HS3ST5: variants seen among roughly 807,000 people sequenced by gnomAD.
HS3ST5 encodes heparan sulfate-glucosamine 3-sulfotransferase 5.
HS3ST5 carries 10 observed loss-of-function variants against 25.4 expected under a neutral mutation model. The ratio of observed to expected loss-of-function variants is 0.39; its 90% CI spans 0.24 to 0.67. The LOEUF (loss-of-function observed/expected upper bound fraction) is 0.67, where lower values mean the gene tolerates loss of function less well. Ranked by LOEUF, HS3ST5 falls within the 30% of genes least tolerant of loss-of-function variation. The probability of loss-of-function intolerance (pLI) is 0.44; values close to 1 mark genes in which losing one functional copy is unlikely to be tolerated. For missense variants in HS3ST5, 324 were observed against 420.7 expected (o/e 0.77, Z 2.01); for synonymous variants, 170 against 162.4 (o/e 1.05, Z -0.36).
intron 3 of HS3ST5, chr6:114,143,910 C>T (rs9488335): frequency 0.23 from 34,866 of 152,428 alleles, 4,151 homozygotes; most frequent in Middle Eastern, 0.3. Context: ...AAACTCTAAC[C>T]TTTTCCTTTA....
At chr6:114,255,872 G>T (rs1772885012) in intron 1 of HS3ST5, among the ~76,000 whole-genome samples, 1 of 152,034 alleles carries the variant, frequency 6.6e-6, no homozygotes, top group African/African-American at 2.4e-5. Context: ...TGCTGGGAGG[G>T]GCTGCTGCAA....
At chr6:114,166,258 G>A (rs1779204563) in intron 3 of HS3ST5, among the ~76,000 whole-genome samples, 1 of 151,938 alleles carries the variant, frequency 6.6e-6, no homozygotes, top group Non-Finnish European at 1.5e-5. Context: ...TCATCAGTAG[G>A]GTGGTAAAAT....
chr6:114,275,765 A>ATT (rs922764439), intron 1 of HS3ST5, among the ~76,000 whole-genome samples: 10 of 152,008 alleles, frequency 6.6e-5, no homozygotes, highest in Non-Finnish European at 1.0e-4. Flanking sequence ...ATGTTATATA[A>ATT]TATTCACACA....
At chr6:114,109,045 C>T (rs1776130568) in intron 3 of HS3ST5, among the ~76,000 whole-genome samples, 1 of 152,000 alleles carries the variant, frequency 6.6e-6, no homozygotes, top group South Asian at 2.1e-4. Flanking sequence ...CGCTTGTAGT[C>T]CAAGCTACTC....
chr6:114,084,898 C>G, intron 3 of HS3ST5: 1 of 501,496 alleles, frequency 2.0e-6, no homozygotes, highest in South Asian at 2.0e-5. Flanking sequence ...GTGGTGTGAT[C>G]TCGGCTCACT....
At chr6:114,215,133 G>T (rs911247466) in intron 2 of HS3ST5, among the ~76,000 whole-genome samples, 26 of 151,986 alleles carry the variant, frequency 1.7e-4, no homozygotes, top group African/African-American at 6.0e-4. Flanking sequence ...GTGAAACCCC[G>T]TCTCTACTAA....
rs143214633 is a variant in HS3ST5 at position 114,074,110 on chromosome 6, C to T, written c.-32-11233G>A. Among the ~76,000 whole-genome samples, 32 of 151,900 alleles carry T rather than the reference C, an allele frequency of 2.1e-4. No individual in the cohort carries two copies. The East Asian group carries it at 3.5e-3, about 17-fold the overall frequency. ...GCTGAACAATGAGAACACATGGACACAGGGAGGGGAACATCACACACCATG... is the reference window on the plus strand; with the variant it reads ...GCTGAACAATGAGAACACATGGACATAGGGAGGGGAACATCACACACCATG... On this transcript the variant is annotated intron_variant, in intron 3 of 4. Coordinates refer to ENST00000312719, the MANE Select transcript of HS3ST5 (RefSeq NM_153612.4).
intron 3 of HS3ST5, among the ~76,000 whole-genome samples, chr6:114,149,593 C>T (rs966987052): frequency 6.6e-6 from 1 of 151,652 alleles, no homozygotes; most frequent in Non-Finnish European, 1.5e-5. Context: ...AGGTGGGGGG[C>T]AGGGGAGGGA....
chr6:114,103,004 A>G (rs1432946811), intron 3 of HS3ST5, among the ~76,000 whole-genome samples: 1 of 152,192 alleles, frequency 6.6e-6, no homozygotes, highest in Non-Finnish European at 1.5e-5. Context: ...ACCTTAAGTT[A>G]AAAATCAATA....
intron 2 of HS3ST5, among the ~76,000 whole-genome samples, chr6:114,206,205 A>G (rs1310211097): frequency 6.6e-6 from 1 of 152,138 alleles, no homozygotes; most frequent in Non-Finnish European, 1.5e-5. Flanking sequence ...GTACTACACA[A>G]ATTGTTATGG....
chr6:114,339,064 T>C (rs915767228), intron 1 of HS3ST5, among the ~76,000 whole-genome samples: 3 of 152,086 alleles, frequency 2.0e-5, no homozygotes, highest in Non-Finnish European at 4.4e-5. Flanking sequence ...CATTACCAAA[T>C]AATAAGTCTT....
At position 114,062,858 on chromosome 6, in the gene HS3ST5, A is replaced by T; in HGVS notation, c.-13T>A. 6.2e-7 allele frequency: 1 copy of T among 1,602,342 alleles called. No individual in the cohort carries two copies. The stretch of plus-strand genomic sequence containing the variant: ...GTTTGAATAGCATGGCCCTCCATCA[A>T]CCTTCAGGACTGCTGCAGCCTGCGA... On this transcript the variant is annotated 5_prime_UTR_variant, in exon 4 of 5. In the 5' UTR this introduces an upstream ATG that the reference lacks. Coordinates refer to ENST00000312719, the MANE Select transcript of HS3ST5 (RefSeq NM_153612.4).
intron 3 of HS3ST5, among the ~76,000 whole-genome samples, chr6:114,158,148 G>A (rs1380215093): frequency 6.6e-6 from 1 of 152,132 alleles, no homozygotes; most frequent in Non-Finnish European, 1.5e-5. Flanking sequence ...TGCAAGCCTC[G>A]ACAGCTTTGT....
intron 3 of HS3ST5, among the ~76,000 whole-genome samples, chr6:114,127,653 G>C (rs898388847): frequency 6.6e-6 from 1 of 152,078 alleles, no homozygotes; most frequent in Non-Finnish European, 1.5e-5. Context: ...AAAGCACTAT[G>C]CCTACTGAAA....
At chr6:114,113,263 G>A (rs1161862927) in intron 3 of HS3ST5, among the ~76,000 whole-genome samples, 1 of 152,116 alleles carries the variant, frequency 6.6e-6, no homozygotes, top group African/African-American at 2.4e-5. Context: ...TTTTTCTAAA[G>A]TGTAGATTAA....
intron 1 of HS3ST5, among the ~76,000 whole-genome samples, chr6:114,303,049 C>T (rs1775144252): frequency 6.6e-6 from 1 of 152,130 alleles, no homozygotes; most frequent in Non-Finnish European, 1.5e-5. Context: ...CTAAATACAT[C>T]ACTTTTTAAA....
In HS3ST5 at chr6:114,056,144, C is replaced by T. The variant is rs1175906338; in HGVS notation, c.*1113G>A. ...CAAATAAAATGGTGATTCTTCTATGCCTTGATTCTGTTAAAATATTCCTTG... is the reference window on the plus strand; with the variant it reads ...CAAATAAAATGGTGATTCTTCTATGTCTTGATTCTGTTAAAATATTCCTTG... On this transcript the variant is annotated 3_prime_UTR_variant, in exon 5 of 5. Transcript: ENST00000312719. The T allele has an allele frequency of 1.3e-5, 2 of 152,154 alleles. No individual in the cohort carries two copies. The highest frequency in any genetic ancestry group is 4.8e-5 in the African/African-American group (2 of 41,444). The allele number at this position is 152,154 out of a possible 1,614,324, so 9.4% of individuals were successfully genotyped here.
intron 3 of HS3ST5, among the ~76,000 whole-genome samples, chr6:114,071,435 C>G (rs715825): frequency 0.13 from 19,757 of 152,204 alleles, 1,556 homozygotes; most frequent in East Asian, 0.27. Flanking sequence ...GATGTTCTTC[C>G]TATATGGCAC....
At chr6:114,071,876 T>C (rs1773848390) in intron 3 of HS3ST5, among the ~76,000 whole-genome samples, 1 of 152,260 alleles carries the variant, frequency 6.6e-6, no homozygotes, top group African/African-American at 2.4e-5. Context: ...ATATTACTTT[T>C]ATGGAACCAT....
Sources: gnomAD v4.1 joint callset for allele counts (sites outside exome capture counted in the v4.1 genomes callset) on GRCh38, gnomAD v4.1.1 for gene constraint, MANE v1.5 for transcripts, NCBI Gene and HGNC (gene_info 2026-07-23, HGNC 2026-07-21) for gene names.